The following TMTC2 variants were observed in gnomAD, a reference collection of about 807,000 sequenced individuals.
TMTC2 encodes transmembrane O-mannosyltransferase targeting cadherins 2, also known as protein O-mannosyl-transferase TMTC2.
In TMTC2, 43 loss-of-function variants were observed where a neutral mutation model predicts 82.4. The observed-to-expected ratio is 0.52, with a 90% CI of 0.41 to 0.67. The LOEUF is 0.67. TMTC2 is among the 30% of genes least tolerant of loss of function. TMTC2 has a pLI of 0.00. For missense variants in TMTC2, 919 were observed against 1,012.4 expected, an observed-to-expected ratio of 0.91 and a Z score of 1.25; for synonymous variants, 408 against 381.9, an observed-to-expected ratio of 1.07 and a Z score of -0.80.
chr12:82,929,555 T>C (rs1396768692), intron 3 of TMTC2, among the ~76,000 whole-genome samples: 3 of 152,182 alleles, frequency 2.0e-5, no homozygotes, highest in Non-Finnish European at 2.9e-5. Flanking sequence ...AACCCTTTCA[T>C]TTTTCAGGTA....
chr12:83,010,514 A>G (rs559272149), intron 8 of TMTC2, among the ~76,000 whole-genome samples: 2 of 152,266 alleles, frequency 1.3e-5, no homozygotes, highest in South Asian at 4.1e-4. Flanking sequence ...CTTCCCTGCT[A>G]TATAAACACC....
intron 3 of TMTC2, among the ~76,000 whole-genome samples, chr12:82,917,208 G>C (rs1365817014): frequency 6.6e-6 from 1 of 152,072 alleles, no homozygotes; most frequent in Non-Finnish European, 1.5e-5. Context: ...ATTCATGCTC[G>C]TTTTCAGTTC....
intron 9 of TMTC2, among the ~76,000 whole-genome samples, chr12:83,048,537 G>A (rs1882223685): frequency 6.6e-6 from 1 of 152,112 alleles, no homozygotes; most frequent in African/African-American, 2.4e-5. Flanking sequence ...TGATCTCCAA[G>A]TCTTAGTCTT....
chr12:82,873,213 T>TGTGTGTGTG (rs142938543), intron 2 of TMTC2, among the ~76,000 whole-genome samples: 194 of 143,636 alleles, frequency 1.4e-3, no homozygotes, highest in African/African-American at 4.8e-3. Flanking sequence ...TTCAAAGATG[T>TGTGTGTGTG]TGTGTGTGTG....
At chr12:82,799,812 A>G (rs1010032735) in intron 1 of TMTC2, among the ~76,000 whole-genome samples, 3 of 152,062 alleles carry the variant, frequency 2.0e-5, no homozygotes, top group African/African-American at 7.2e-5. Flanking sequence ...TTGCCGATGA[A>G]TCCCTCAGAG....
At chr12:82,901,496 G>A (rs902134892) in intron 3 of TMTC2, among the ~76,000 whole-genome samples, 2 of 151,014 alleles carry the variant, frequency 1.3e-5, no homozygotes, top group African/African-American at 2.4e-5. Context: ...GTAGAGACGG[G>A]TTTCACTATC....
chr12:82,894,740 C>G (rs1404731202), intron 2 of TMTC2, among the ~76,000 whole-genome samples: 2 of 152,076 alleles, frequency 1.3e-5, no homozygotes, highest in Admixed American at 6.6e-5. Flanking sequence ...TCCTTTGACC[C>G]TCCTCACAAT....
intron 11 of TMTC2, among the ~76,000 whole-genome samples, chr12:83,098,784 T>G (rs1358235611): frequency 6.6e-6 from 1 of 152,232 alleles, no homozygotes; most frequent in African/African-American, 2.4e-5. Flanking sequence ...CCATCCATGC[T>G]GAGTGCAACA....
chr12:82,719,085 A>ATTTTTTTTTTTTTT, intron 1 of TMTC2, among the ~76,000 whole-genome samples: 1 of 41,408 alleles, frequency 2.4e-5, no homozygotes, highest in Non-Finnish European at 3.8e-5. Flanking sequence ...ATATATATAT[A>ATTTTTTTTTTTTTT]TTTTTTTTTT....
At chr12:82,844,370 TAG>T (rs1257672874) in intron 1 of TMTC2, among the ~76,000 whole-genome samples, 1 of 152,262 alleles carries the variant, frequency 6.6e-6, no homozygotes, top group Non-Finnish European at 1.5e-5. Context: ...CCTGCATCCT[TAG>T]AGAGTATATT....
At chr12:82,915,012 A>G (rs567209884) in intron 3 of TMTC2, among the ~76,000 whole-genome samples, 36 of 151,800 alleles carry the variant, frequency 2.4e-4, no homozygotes, top group Admixed American at 1.0e-3. Flanking sequence ...TTTAGTATAG[A>G]TGGTGTTTCT....
At chr12:83,031,570 C>A (rs554080129) in intron 9 of TMTC2, among the ~76,000 whole-genome samples, 108 of 152,222 alleles carry the variant, frequency 7.1e-4, no homozygotes, top group African/African-American at 2.5e-3. Flanking sequence ...TTTAGGGAGC[C>A]AAAAAGCATT....
At chr12:83,006,698 C>G (rs1430625857) in intron 8 of TMTC2, among the ~76,000 whole-genome samples, 1 of 152,128 alleles carries the variant, frequency 6.6e-6, no homozygotes, top group African/African-American at 2.4e-5. Flanking sequence ...GACTTGGAAC[C>G]AACCCAAATG....
chr12:82,938,320 A>G (rs1036233485), intron 4 of TMTC2, among the ~76,000 whole-genome samples: 3 of 152,088 alleles, frequency 2.0e-5, no homozygotes, highest in Non-Finnish European at 2.9e-5. Context: ...GCAGAATACA[A>G]TTGGTGAGAC....
chr12:82,982,961 A>AACTATT (rs1878990485), intron 7 of TMTC2, among the ~76,000 whole-genome samples: 1 of 152,062 alleles, frequency 6.6e-6, no homozygotes, highest in Non-Finnish European at 1.5e-5. Context: ...CTTGGTAAGC[A>AACTATT]ATGAGATACG....
chr12:82,951,471 T>A (rs1877343276), intron 4 of TMTC2, among the ~76,000 whole-genome samples: 1 of 151,968 alleles, frequency 6.6e-6, no homozygotes, highest in Non-Finnish European at 1.5e-5. Context: ...GTTGTTGTTG[T>A]TTTGTTTTCT....
chr12:82,860,148 A>C (rs976918638), intron 2 of TMTC2, among the ~76,000 whole-genome samples: 2 of 151,802 alleles, frequency 1.3e-5, no homozygotes, highest in Non-Finnish European at 2.9e-5. Flanking sequence ...TAATTTTTGT[A>C]TTTTTAGTAG....
At chr12:82,716,361 A>ATTT (rs750327404) in intron 1 of TMTC2, among the ~76,000 whole-genome samples, 60 of 129,044 alleles carry the variant, frequency 4.6e-4, no homozygotes, top group East Asian at 1.1e-3. Context: ...TGTCTGGTAC[A>ATTT]TTTTTTTTTT....
chr12:82,779,361 A>T (rs1368047122), intron 1 of TMTC2, among the ~76,000 whole-genome samples: 1 of 152,148 alleles, frequency 6.6e-6, no homozygotes, highest in Admixed American at 6.5e-5. Context: ...TGTCACTCAG[A>T]TAGCAAATAA....
Sources: allele counts gnomAD v4.1 joint callset (sites outside exome capture counted in the v4.1 genomes callset), GRCh38; gene constraint gnomAD v4.1.1; transcripts MANE v1.5; gene names NCBI Gene and HGNC (gene_info 2026-07-23, HGNC 2026-07-21).